Variants in FNDC3B observed in about 807,000 individuals in gnomAD.
The protein encoded by FNDC3B is fibronectin type III domain containing 3B.
In FNDC3B, 12 loss-of-function variants were observed where a neutral mutation model predicts 151.5. The ratio of observed to expected loss-of-function variants is 0.08; its 90% CI spans 0.05 to 0.13. The LOEUF (loss-of-function observed/expected upper bound fraction) is 0.13. Among genes scored for constraint, FNDC3B ranks in the 10% least tolerant of loss-of-function variants. The pLI is 1.00. For missense variants in FNDC3B, 1,214 were observed against 1,505.3 expected, an observed-to-expected ratio of 0.81 and a Z score of 3.20; for synonymous variants, 528 against 549.0, an observed-to-expected ratio of 0.96 and a Z score of 0.54.
chr3:172,131,097 T>C (rs1721069827), intron 2 of FNDC3B, among the ~76,000 whole-genome samples: 2 of 152,276 alleles, frequency 1.3e-5, no homozygotes, highest in South Asian at 4.1e-4. Context: ...AAGCTCCTTT[T>C]CAAGAAAACA....
intron 3 of FNDC3B, among the ~76,000 whole-genome samples, chr3:172,216,321 C>T (rs1218290000): frequency 6.6e-6 from 1 of 152,038 alleles, no homozygotes; most frequent in East Asian, 1.9e-4. Context: ...CCATTCCAAA[C>T]CTGACATTAA....
At chr3:172,076,520 T>C (rs921759240) in intron 1 of FNDC3B, among the ~76,000 whole-genome samples, 5 of 152,258 alleles carry the variant, frequency 3.3e-5, no homozygotes, top group African/African-American at 1.2e-4. Context: ...TGTGAGTTCC[T>C]CCTGCCTTTC....
rs1303817573 is a variant in FNDC3B at position 172,335,046 on chromosome 3, G to A, written c.1744G>A (p.Gly582Ser). 6.2e-7 allele frequency: 1 copy of A among 1,613,060 alleles called. No homozygotes were observed. The highest frequency in any genetic ancestry group is 8.5e-7 in the Non-Finnish European group (1 of 1,179,546). Residue 582 changes from glycine (G) to serine (S), a missense_variant, in exon 15 of 26, where the codon GGC becomes AGC. By Grantham distance (56) the Gly-to-Ser change is moderately conservative. Around this residue, in one of 7 missense-constraint regions of FNDC3B, gnomAD observed 380 missense variants for 420.9 expected, o/e 0.90. Coordinates refer to ENST00000415807, the MANE Select transcript of FNDC3B (RefSeq NM_022763.4). The stretch of plus-strand genomic sequence containing the variant: ...ACCTCCTACCAGACCGCTTGTCAAA[G>A]GCCCAGTTACATCTCATGGCTTTAG... ...PGPPTRPLVK[G>S]PVTSHGFSVK...
chr3:172,382,892 C>A (rs1695024425), intron 25 of FNDC3B, among the ~76,000 whole-genome samples: 1 of 152,142 alleles, frequency 6.6e-6, no homozygotes, highest in Non-Finnish European at 1.5e-5. Flanking sequence ...AGTTTGAAGT[C>A]AGGTAGCATG....
At chr3:172,338,411 C>T (rs1396512561) in intron 16 of FNDC3B, 1 of 151,300 alleles carries the variant, frequency 6.6e-6, no homozygotes, top group African/African-American at 2.4e-5. Context: ...CAGTAATCTA[C>T]AAATTCCCAT....
At chr3:172,229,859 TC>T (rs1299067051) in intron 4 of FNDC3B, among the ~76,000 whole-genome samples, 4 of 152,176 alleles carry the variant, frequency 2.6e-5, no homozygotes, top group Non-Finnish European at 5.9e-5. Context: ...AATGAAATGT[TC>T]TGAATGTGTA....
At chr3:172,362,141 C>T (rs903242985) in intron 22 of FNDC3B, among the ~76,000 whole-genome samples, 2 of 152,170 alleles carry the variant, frequency 1.3e-5, no homozygotes, top group Non-Finnish European at 2.9e-5. Flanking sequence ...ATGCTTAGCT[C>T]TAGATAAGGA....
intron 2 of FNDC3B, chr3:172,126,981 A>C: frequency 2.2e-6 from 1 of 456,584 alleles, no homozygotes; most frequent in Non-Finnish European, 4.4e-6. Context: ...CTGAGCAGAC[A>C]CTGGAATGTG....
intron 4 of FNDC3B, 77 bp from the exon 5 acceptor site, chr3:172,247,456 G>A: frequency 6.9e-7 from 1 of 1,443,602 alleles, no homozygotes; most frequent in Non-Finnish European, 9.4e-7. Flanking sequence ...TAAAATTAAA[G>A]TGGAAGTTAT....
At chr3:172,074,938 G>A (rs1057424480) in intron 1 of FNDC3B, among the ~76,000 whole-genome samples, 10 of 152,208 alleles carry the variant, frequency 6.6e-5, no homozygotes, top group Admixed American at 1.3e-4. Context: ...GTGATTGTAT[G>A]TGTTTAGAAT....
chr3:172,230,517 GAAC>G (rs1206623548), intron 4 of FNDC3B, among the ~76,000 whole-genome samples: 27 of 147,382 alleles, frequency 1.8e-4, no homozygotes, highest in Admixed American at 2.7e-4. Flanking sequence ...AAAAAAAAAA[GAAC>G]AACAACAACA....
chr3:172,319,848 C>T (rs556224145), intron 11 of FNDC3B, among the ~76,000 whole-genome samples: 3 of 152,160 alleles, frequency 2.0e-5, no homozygotes, highest in African/African-American at 7.2e-5. Context: ...AGAGTCTGGC[C>T]GTAGTTCAGT....
chr3:172,246,958 T>C (rs1015405552), intron 4 of FNDC3B, among the ~76,000 whole-genome samples: 2 of 152,206 alleles, frequency 1.3e-5, no homozygotes, highest in African/African-American at 4.8e-5. Flanking sequence ...TTCATCCATA[T>C]CCTCAGTCCT....
chr3:172,203,905 C>G (rs555454190), intron 3 of FNDC3B, among the ~76,000 whole-genome samples: 1 of 152,136 alleles, frequency 6.6e-6, no homozygotes, highest in East Asian at 1.9e-4. Flanking sequence ...CTAAGAAAGC[C>G]GTTGGGACCC....
chr3:172,080,587 GA>G (rs1718235263), intron 1 of FNDC3B, among the ~76,000 whole-genome samples: 1 of 151,994 alleles, frequency 6.6e-6, no homozygotes, highest in African/African-American at 2.4e-5. Flanking sequence ...CTGAATCGTT[GA>G]ATTTTTGACT....
chr3:172,204,006 C>T (rs1164725750), intron 3 of FNDC3B, among the ~76,000 whole-genome samples: 2 of 152,298 alleles, frequency 1.3e-5, no homozygotes, highest in African/African-American at 4.8e-5. Context: ...GCCAGCGTCT[C>T]GTTCTTTCTG....
intron 21 of FNDC3B, among the ~76,000 whole-genome samples, chr3:172,350,747 G>A (rs1733815074): frequency 6.6e-6 from 1 of 152,150 alleles, no homozygotes; most frequent in African/African-American, 2.4e-5. Context: ...CAGCTACTCA[G>A]GAGGCTAAGG....
At chr3:172,384,212 A>G (rs1295688603) in intron 25 of FNDC3B, among the ~76,000 whole-genome samples, 1 of 152,278 alleles carries the variant, frequency 6.6e-6, no homozygotes, top group African/African-American at 2.4e-5. Flanking sequence ...GTTTTAAACA[A>G]AAAACTTTAT....
At chr3:172,198,995 A>AT (rs1447369151) in intron 3 of FNDC3B, among the ~76,000 whole-genome samples, 1 of 150,582 alleles carries the variant, frequency 6.6e-6, no homozygotes, top group African/African-American at 2.4e-5. Flanking sequence ...CCTGGGTGAT[A>AT]TTTAAATTTT....
Sources: allele counts gnomAD v4.1 joint callset (sites outside exome capture counted in the v4.1 genomes callset), GRCh38; gene constraint gnomAD v4.1.1; regional missense constraint gnomAD v4.1.1; transcripts MANE v1.5; gene names NCBI Gene and HGNC (gene_info 2026-07-23, HGNC 2026-07-21).